The following PRH1 variants were observed in gnomAD, a reference collection of about 807,000 sequenced individuals.
PRH1 encodes the protein salivary acidic proline-rich phosphoprotein 1/2.
A neutral mutation model predicts 7.9 loss-of-function variants in PRH1; 7 were observed. The ratio of observed to expected loss-of-function variants is 0.89; its 90% CI spans 0.50 to 1.67. PRH1 has a LOEUF of 1.67. Among genes scored for constraint, PRH1 ranks in the 40% most tolerant of loss-of-function variants. The pLI, the probability that PRH1 is intolerant of heterozygous loss-of-function variation, is 0.00. For missense variants in PRH1, 109 were observed against 223.6 expected, an observed-to-expected ratio of 0.49 and a Z score of 3.27; for synonymous variants, 45 against 80.8, an observed-to-expected ratio of 0.56 and a Z score of 2.38.
chr12:11,103,428 C>G (rs1945315236), intron 1 of PRH1, among the ~76,000 whole-genome samples: 2 of 151,810 alleles, frequency 1.3e-5, no homozygotes, highest in Non-Finnish European at 1.5e-5. Context: ...TCTGAGCAAA[C>G]TATCGCAAGG....
At chr12:10,927,760 A>G (rs1950143274) in intron 2 of PRH1, among the ~76,000 whole-genome samples, 1 of 152,162 alleles carries the variant, frequency 6.6e-6, no homozygotes, top group African/African-American at 2.4e-5. Flanking sequence ...CATGCCTCCA[A>G]CCAAGCTATC....
intron 1 of PRH1, among the ~76,000 whole-genome samples, chr12:10,973,919 G>A (rs954847985): frequency 3.9e-5 from 6 of 152,112 alleles, no homozygotes; most frequent in Non-Finnish European, 8.8e-5. Context: ...CTCCTAAAAT[G>A]TATCTGGAAA....
In PRH1 at chr12:11,086,796, C is replaced by A. The variant is rs1372346837; in HGVS notation, n.124-39608G>T. 1.8e-5 allele frequency among the ~76,000 whole-genome samples: 2 copies of A among 113,792 alleles called. 1 individual carries two copies. Among genetic ancestry groups the A allele is most frequent in the Non-Finnish European group, 4.1e-5 (2 of 48,370 alleles). 74.7% of individuals were successfully genotyped at this position (113,792 alleles called of 152,430 possible). A position where few individuals can be genotyped will look rare whatever the true frequency, so the allele number is the denominator to read the frequency against. Reference sequence around the variant, plus strand: ...AGGTGTGGTGGCACATGCATAAAATCCCAGCTACTCAGGTGGCTGTGGCAG... The same window carrying A: ...AGGTGTGGTGGCACATGCATAAAATACCAGCTACTCAGGTGGCTGTGGCAG... On this transcript the variant is annotated intron_variant and non_coding_transcript_variant, in intron 1 of 4. Coordinates refer to the PRH1 transcript ENST00000541977.
chr12:10,888,422 C>T (rs771039379), upstream of PRH1, among the ~76,000 whole-genome samples: 1 of 152,134 alleles, frequency 6.6e-6, no homozygotes, highest in Non-Finnish European at 1.5e-5. Context: ...GAGAGACTCA[C>T]CCAGGCTTCT....
At chr12:11,026,826 T>C (rs1454514892) in intron 1 of PRH1, among the ~76,000 whole-genome samples, 1 of 152,034 alleles carries the variant, frequency 6.6e-6, no homozygotes, top group Non-Finnish European at 1.5e-5. Flanking sequence ...TGCTGAATGG[T>C]TCTTAATCTA....
At chr12:11,121,353 T>C (rs1317797858) in intron 1 of PRH1, among the ~76,000 whole-genome samples, 1 of 150,866 alleles carries the variant, frequency 6.6e-6, no homozygotes, top group East Asian at 2.0e-4. Flanking sequence ...ATAGTTTCTA[T>C]ACCCTCTTTA....
intron 1 of PRH1, among the ~76,000 whole-genome samples, chr12:11,060,132 T>G (rs1943524029): frequency 6.6e-6 from 1 of 152,142 alleles, no homozygotes; most frequent in Non-Finnish European, 1.5e-5. Context: ...TTTTAAAATT[T>G]CATAACACCA....
At chr12:11,130,194 G>A (rs542609719) in intron 1 of PRH1, among the ~76,000 whole-genome samples, 83 of 152,264 alleles carry the variant, frequency 5.5e-4, no homozygotes, top group African/African-American at 1.9e-3. Context: ...CAATAATCAG[G>A]AAATGGCAAG....
intron 1 of PRH1, among the ~76,000 whole-genome samples, chr12:11,037,260 C>A (rs1942469916): frequency 6.6e-6 from 1 of 152,100 alleles, no homozygotes. Flanking sequence ...ATGCTTTTTC[C>A]CCTTCTTAGC....
intron 1 of PRH1, among the ~76,000 whole-genome samples, chr12:11,059,104 A>C (rs2136173623): frequency 6.6e-6 from 1 of 152,188 alleles, no homozygotes; most frequent in African/African-American, 2.4e-5. Flanking sequence ...TCAGGGAAAC[A>C]ATGGCCAATG....
chr12:10,978,566 T>C (rs1366947705), intron 1 of PRH1, among the ~76,000 whole-genome samples: 1 of 152,032 alleles, frequency 6.6e-6, no homozygotes, highest in Non-Finnish European at 1.5e-5. Context: ...AAAACAGAAA[T>C]TGATAAATGA....
At chr12:11,167,469 G>T (rs1947615403) in intron 1 of PRH1, among the ~76,000 whole-genome samples, 1 of 148,176 alleles carries the variant, frequency 6.7e-6, no homozygotes, top group South Asian at 2.1e-4. Context: ...TTTTGATATG[G>T]AGTCTCGCTC....
chr12:10,928,198 T>C (rs1288018565), intron 2 of PRH1, among the ~76,000 whole-genome samples: 1 of 152,160 alleles, frequency 6.6e-6, no homozygotes, highest in African/African-American at 2.4e-5. Context: ...TAGAATATCA[T>C]AGAAAAAATC....
rs189508520 is a variant in PRH1, at chr12:11,165,128, C to A, written n.39+6294G>T. 2.0e-5 allele frequency among the ~76,000 whole-genome samples: 3 copies of A among 152,210 alleles called. No individual in the cohort carries two copies. The East Asian group carries it at 5.8e-4, about 29-fold the overall frequency. ...GTATTCAATTTTACGGGTATGTTCT[C>A]ATTTCTCTTAAGAATTGCTGGGTTT... is the stretch of plus-strand genomic sequence containing the variant. On this transcript the variant is annotated intron_variant and non_coding_transcript_variant, in intron 1 of 1. Coordinates refer to the PRH1 transcript ENST00000541175.
intron 1 of PRH1, among the ~76,000 whole-genome samples, chr12:11,025,401 T>C (rs994332323): frequency 6.6e-6 from 1 of 152,298 alleles, no homozygotes; most frequent in Non-Finnish European, 1.5e-5. Flanking sequence ...CCTGCTTCCA[T>C]GTTTTCTGTT....
chr12:10,907,485 C>T (rs551655722), intron 2 of PRH1, among the ~76,000 whole-genome samples: 1 of 151,238 alleles, frequency 6.6e-6, no homozygotes, highest in African/African-American at 2.4e-5. Context: ...AGAAGCCTCA[C>T]ATATAACAAT....
intron 1 of PRH1, among the ~76,000 whole-genome samples, chr12:11,130,591 T>C (rs767003406): frequency 1.5e-4 from 23 of 152,202 alleles, no homozygotes; most frequent in Non-Finnish European, 2.8e-4. Context: ...TGCCAGATGA[T>C]CCAGCGGAAT....
intron 1 of PRH1, among the ~76,000 whole-genome samples, chr12:10,999,452 T>C (rs761057824): frequency 6.6e-5 from 10 of 152,172 alleles, no homozygotes; most frequent in Non-Finnish European, 1.3e-4. Context: ...ATTTTCCCCC[T>C]AGGTATATAA....
intron 2 of PRH1, among the ~76,000 whole-genome samples, chr12:10,968,174 G>C (rs573268814): frequency 1.3e-5 from 2 of 152,118 alleles, no homozygotes; most frequent in Non-Finnish European, 2.9e-5. Flanking sequence ...TTGTATTTAC[G>C]TTAAAAACTA....
Sources: allele counts gnomAD v4.1 joint callset (sites outside exome capture counted in the v4.1 genomes callset), GRCh38; gene constraint gnomAD v4.1.1; transcripts MANE v1.5; gene names NCBI Gene and HGNC (gene_info 2026-07-23, HGNC 2026-07-21).